Variants in CLASP1 observed in about 807,000 individuals in gnomAD.
The protein encoded by CLASP1 is CLIP-associating protein 1.
A neutral mutation model predicts 192.3 loss-of-function variants in CLASP1; 38 were observed. The observed-to-expected ratio is 0.20, with a 90% CI of 0.15 to 0.26. The LOEUF (loss-of-function observed/expected upper bound fraction) is 0.26. Ranked by LOEUF, CLASP1 falls within the 10% of genes least tolerant of loss-of-function variation. The probability of loss-of-function intolerance (pLI) is 1.00; values close to 1 mark genes in which losing one functional copy is unlikely to be tolerated. For synonymous variants in CLASP1, 691 were observed against 712.8 expected, an observed-to-expected ratio of 0.97 and a Z score of 0.49; for missense variants, 1,433 against 1,932.5, an observed-to-expected ratio of 0.74 and a Z score of 4.85.
At chr2:121,367,463 T>C (rs1162680622) in intron 35 of CLASP1, 125 bp downstream of exon 36, 1 of 1,287,430 alleles carries the variant, frequency 7.8e-7, no homozygotes, top group African/African-American at 1.5e-5. Flanking sequence ...AACAAATGAC[T>C]AAGCAGAAAG....
At chr2:121,488,701 A>C (rs945232045) in intron 8 of CLASP1, among the ~76,000 whole-genome samples, 3 of 152,206 alleles carry the variant, frequency 2.0e-5, no homozygotes, top group Non-Finnish European at 4.4e-5. Context: ...TGCTCTGAAA[A>C]CACTAAAGTA....
At chr2:121,365,180 T>C in exon 36 of CLASP1, 1 of 1,613,900 alleles carries the variant, frequency 6.2e-7, no homozygotes, top group Non-Finnish European at 8.5e-7. Flanking sequence ...TCCCGCGTGA[T>C]CTTGAGCAGC....
At chr2:121,577,032 C>T (rs904470553) in intron 2 of CLASP1, among the ~76,000 whole-genome samples, 11 of 151,932 alleles carry the variant, frequency 7.2e-5, no homozygotes, top group Admixed American at 2.6e-4. Flanking sequence ...GACCTTATTA[C>T]GGATACATAT....
intron 2 of CLASP1, among the ~76,000 whole-genome samples, chr2:121,552,439 G>C (rs369789495): frequency 6.6e-6 from 1 of 152,138 alleles, no homozygotes; most frequent in South Asian, 2.1e-4. Context: ...TGCAAACCAC[G>C]CATCTGACAA....
chr2:121,580,205 T>G (rs557511556), intron 2 of CLASP1, among the ~76,000 whole-genome samples: 3 of 152,204 alleles, frequency 2.0e-5, no homozygotes, highest in Non-Finnish European at 4.4e-5. Flanking sequence ...GTACCAGTGA[T>G]CTTCCCTAAT....
chr2:121,355,904 C>T lies in CLASP1; in HGVS notation c.4207-7186G>A, dbSNP rs148381652. Among the ~76,000 whole-genome samples, 16 of 152,338 alleles carry T rather than the reference C, an allele frequency of 1.1e-4. No individual in the cohort carries two copies. In the East Asian group the frequency reaches 2.3e-3, roughly 22 times the overall value. On this transcript the variant is annotated intron_variant, in intron 37 of 39. Coordinates refer to ENST00000263710, the Ensembl canonical transcript of CLASP1. ...AACTATTCCAATTCTGCTACAGTCT[C>T]ATTAGAAACACAGCACTCCTTCACC...
At chr2:121,525,812 T>G in intron 6 of CLASP1, 33 bp downstream of exon 6, 1 of 1,515,624 alleles carries the variant, frequency 6.6e-7, no homozygotes, top group Non-Finnish European at 9.1e-7. Context: ...CTGTAAGCAA[T>G]GACTTCTCCC....
At chr2:121,538,988 G>A (rs2095165839) in intron 2 of CLASP1, among the ~76,000 whole-genome samples, 1 of 151,980 alleles carries the variant, frequency 6.6e-6, no homozygotes, top group Non-Finnish European at 1.5e-5. Context: ...TGCCCAAAAA[G>A]CTATGTAACA....
chr2:121,609,487 C>A (rs951342391), intron 1 of CLASP1, among the ~76,000 whole-genome samples: 1 of 152,122 alleles, frequency 6.6e-6, no homozygotes, highest in African/African-American at 2.4e-5. Context: ...TACACTTATT[C>A]TTATTAAACT....
intron 1 of CLASP1, among the ~76,000 whole-genome samples, chr2:121,643,639 A>C (rs1406863114): frequency 6.6e-6 from 1 of 152,126 alleles, no homozygotes; most frequent in Non-Finnish European, 1.5e-5. Context: ...ATAAATCTAC[A>C]AAAAAAGGGT....
intron 1 of CLASP1, among the ~76,000 whole-genome samples, chr2:121,621,750 C>T (rs1268323540): frequency 6.6e-6 from 1 of 152,058 alleles, no homozygotes; most frequent in Non-Finnish European, 1.5e-5. Flanking sequence ...AACTTTTTTT[C>T]AAGATTGTTT....
At chr2:121,525,229 C>T (rs2094548345) in intron 6 of CLASP1, among the ~76,000 whole-genome samples, 1 of 152,072 alleles carries the variant, frequency 6.6e-6, no homozygotes, top group Non-Finnish European at 1.5e-5. Context: ...GCTATTTCTC[C>T]AGCCCAGACT....
chr2:121,351,134 G>A (rs780634238), intron 37 of CLASP1, among the ~76,000 whole-genome samples: 39 of 152,206 alleles, frequency 2.6e-4, no homozygotes, highest in Middle Eastern at 6.8e-3. Flanking sequence ...GAGGTGCTCC[G>A]TGGTACAGCC....
chr2:121,421,233 G>A (rs1228284491), intron 22 of CLASP1, among the ~76,000 whole-genome samples: 1 of 152,058 alleles, frequency 6.6e-6, no homozygotes, highest in Admixed American at 6.6e-5. Context: ...CTAAAAGAAG[G>A]ATTTAAAATA....
chr2:121,533,607 A>G (rs1267075662), intron 2 of CLASP1, among the ~76,000 whole-genome samples: 1 of 152,146 alleles, frequency 6.6e-6, no homozygotes, highest in Admixed American at 6.5e-5. Flanking sequence ...ATTCTGTTTT[A>G]TGGAATGAGG....
At chr2:121,338,636 A>G (rs1411645227) in exon 40 of CLASP1, 1 of 152,088 alleles carries the variant, frequency 6.6e-6, no homozygotes, top group Non-Finnish European at 1.5e-5. Context: ...GCGCGGCGGC[A>G]GCAGTTTTCA....
intron 2 of CLASP1, among the ~76,000 whole-genome samples, chr2:121,557,891 G>C (rs749597890): frequency 6.6e-6 from 1 of 151,816 alleles, no homozygotes; most frequent in Non-Finnish European, 1.5e-5. Flanking sequence ...GACCAGCCTG[G>C]ACAAGATGGT....
At position 121,449,488 on chromosome 2, in the gene CLASP1, A is replaced by G. The variant is rs967029022; in HGVS notation, c.1524-368T>C. Among the ~76,000 whole-genome samples the G allele has an allele frequency of 2.0e-5, 3 of 152,146 alleles. No individual in the cohort carries two copies. In the East Asian group the frequency reaches 5.8e-4, roughly 29 times the overall value. ...GCAGCTATTATACATGCAATTTTAC[A>G]TCTCTTGACACAAAGTATTTAAAAT... On this transcript the variant is annotated intron_variant, in intron 16 of 39. Transcript: ENST00000263710.
intron 14 of CLASP1, among the ~76,000 whole-genome samples, chr2:121,455,761 C>T (rs910831569): frequency 1.4e-4 from 22 of 152,146 alleles, no homozygotes; most frequent in African/African-American, 5.3e-4. Flanking sequence ...ACTTGGGAGA[C>T]TGAGGCGGGA....
Sources: gnomAD v4.1 joint callset for allele counts (sites outside exome capture counted in the v4.1 genomes callset) on GRCh38, gnomAD v4.1.1 for gene constraint, MANE v1.5 for transcripts, NCBI Gene and HGNC (gene_info 2026-07-23, HGNC 2026-07-21) for gene names.